Variants in SLC13A3 observed in about 807,000 individuals in gnomAD.
SLC13A3 encodes Na(+)/dicarboxylate cotransporter 3.
Under a neutral mutation model 59.0 loss-of-function variants are expected in SLC13A3, and 40 were observed. The ratio of observed to expected loss-of-function variants is 0.68; its 90% CI spans 0.53 to 0.88. The LOEUF (loss-of-function observed/expected upper bound fraction) is 0.88, where lower values mean the gene tolerates loss of function less well. SLC13A3 is among the 40% of genes least tolerant of loss of function. SLC13A3 has a pLI of 0.00. For synonymous variants in SLC13A3, 317 were observed against 330.3 expected, an observed-to-expected ratio of 0.96 and a Z score of 0.44; for missense variants, 699 against 783.2, an observed-to-expected ratio of 0.89 and a Z score of 1.28.
chr20:46,658,208 C>T (rs950971177), intron 1 of SLC13A3, among the ~76,000 whole-genome samples: 1 of 148,954 alleles, frequency 6.7e-6, no homozygotes, highest in Non-Finnish European at 1.5e-5. Context: ...AAATAAATAT[C>T]AAAAAAAAAC....
At chr20:46,567,550 T>G (rs1196834122) in intron 10 of SLC13A3, among the ~76,000 whole-genome samples, 2 of 152,180 alleles carry the variant, frequency 1.3e-5, no homozygotes, top group African/African-American at 4.8e-5. Flanking sequence ...CCCACCAGTC[T>G]GTCACCTTGT....
intron 7 of SLC13A3, 107 bp from the exon 8 acceptor site, chr20:46,588,270 G>A: frequency 1.6e-6 from 1 of 624,366 alleles, no homozygotes; most frequent in Non-Finnish European, 2.8e-6. Context: ...CCCGGGCTCT[G>A]CCTCTGAGAA....
intron 1 of SLC13A3, among the ~76,000 whole-genome samples, chr20:46,644,148 C>A (rs144205848): frequency 6.6e-6 from 1 of 152,320 alleles, no homozygotes; most frequent in African/African-American, 2.4e-5. Context: ...CTCACTGAAG[C>A]CTTTGGAAAA....
chr20:46,648,327 A>G (rs936423410), intron 1 of SLC13A3, among the ~76,000 whole-genome samples: 7 of 152,116 alleles, frequency 4.6e-5, no homozygotes, highest in Non-Finnish European at 5.9e-5. Context: ...TTCGCATTGT[A>G]TATGAAATTG....
intron 8 of SLC13A3, among the ~76,000 whole-genome samples, chr20:46,586,000 A>G (rs575976514): frequency 1.3e-5 from 2 of 152,326 alleles, no homozygotes; most frequent in South Asian, 4.1e-4. Flanking sequence ...CCAAACTGAC[A>G]TGTGCTTTAA....
At chr20:46,584,589 C>T (rs186901277) in intron 8 of SLC13A3, 6 of 698,604 alleles carry the variant, frequency 8.6e-6, no homozygotes, top group Middle Eastern at 7.4e-4. Context: ...AAATGCAGAT[C>T]AAAACACTAA....
chr20:46,678,650 A>G (rs1310500652), intron 1 of SLC13A3, among the ~76,000 whole-genome samples: 1 of 152,204 alleles, frequency 6.6e-6, no homozygotes, highest in East Asian at 1.9e-4. Flanking sequence ...GAGAATTCTT[A>G]CATCTTCTCA....
intron 1 of SLC13A3, among the ~76,000 whole-genome samples, chr20:46,622,631 T>C (rs746960490): frequency 0.076 from 4,892 of 64,684 alleles, 108 homozygotes; most frequent in Admixed American, 0.1. Flanking sequence ...CGTGTGTGTG[T>C]GTGTGTGTGT....
intron 1 of SLC13A3, among the ~76,000 whole-genome samples, chr20:46,619,913 T>C (rs150730906): frequency 5.3e-5 from 8 of 152,334 alleles, no homozygotes; most frequent in African/African-American, 1.9e-4. Context: ...GGATTTGAAC[T>C]ATAGCTTGAT....
chr20:46,642,315 C>T (rs2062852853), intron 1 of SLC13A3, among the ~76,000 whole-genome samples: 3 of 152,238 alleles, frequency 2.0e-5, no homozygotes, highest in Admixed American at 6.5e-5. Flanking sequence ...GCATGGGTGT[C>T]ATTTTAAATT....
intron 1 of SLC13A3, among the ~76,000 whole-genome samples, chr20:46,648,799 G>A (rs2062921476): frequency 6.6e-6 from 1 of 152,074 alleles, no homozygotes; most frequent in South Asian, 2.1e-4. Context: ...CAGCTACTTG[G>A]GAGGCTGAGG....
At chr20:46,675,815 G>T (rs1459278035) in intron 1 of SLC13A3, 1 of 152,384 alleles carries the variant, frequency 6.6e-6, no homozygotes, top group Non-Finnish European at 1.5e-5. Flanking sequence ...CAGAAGTGGG[G>T]AGAACCATGA....
At chr20:46,594,594 T>C (rs1413134348) in intron 5 of SLC13A3, among the ~76,000 whole-genome samples, 1 of 152,182 alleles carries the variant, frequency 6.6e-6, no homozygotes, top group African/African-American at 2.4e-5. Flanking sequence ...AGGACCATCT[T>C]TGCTTCTGGT....
chr20:46,654,426 A>AT (rs1482742793), upstream of SLC13A3, among the ~76,000 whole-genome samples: 1 of 152,190 alleles, frequency 6.6e-6, no homozygotes, highest in African/African-American at 2.4e-5. Context: ...ACCTTACTTC[A>AT]TGCCCCTTTG....
At position 46,583,681 on chromosome 20, in the gene SLC13A3, A is replaced by C. The variant is rs754257680; in HGVS notation, c.1122-12T>G. The stretch of plus-strand genomic sequence containing the variant: ...CATCAGAAAGAAACCTACAATGAGA[A>C]GGCCCCAAATCACGTGACCATGGGC... On this transcript the variant is annotated splice_polypyrimidine_tract_variant and intron_variant, in intron 8 of 12. Coordinates refer to ENST00000279027, the MANE Select transcript of SLC13A3 (RefSeq NM_022829.6). 11 of 1,613,890 alleles carry C rather than the reference A, an allele frequency of 6.8e-6. No homozygotes were observed. The East Asian group carries it at 2.2e-4, about 33-fold the overall frequency.
chr20:46,636,808 T>C (rs1014062829), intron 1 of SLC13A3, among the ~76,000 whole-genome samples: 4 of 56,052 alleles, frequency 7.1e-5, no homozygotes, highest in African/African-American at 2.4e-4. Flanking sequence ...TTTTTTTTCT[T>C]TTTTTCTTTT....
At chr20:46,642,388 C>T (rs2062853527) in intron 1 of SLC13A3, among the ~76,000 whole-genome samples, 1 of 152,208 alleles carries the variant, frequency 6.6e-6, no homozygotes, top group South Asian at 2.1e-4. Flanking sequence ...GGTGCCTCCT[C>T]ATAGGCCTCC....
chr20:46,615,245 C>T (rs1385839138), intron 1 of SLC13A3, among the ~76,000 whole-genome samples: 1 of 152,130 alleles, frequency 6.6e-6, no homozygotes, highest in East Asian at 1.9e-4. Context: ...GGATTTGGTC[C>T]TGTCTGGAGC....
chr20:46,599,839 G>A, intron 4 of SLC13A3, 132 bp downstream of exon 4: 1 of 539,804 alleles, frequency 1.9e-6, no homozygotes, highest in Non-Finnish European at 3.2e-6. Flanking sequence ...GATGAATGGT[G>A]GAAACTCAGG....
Sources: gnomAD v4.1 joint callset for allele counts (sites outside exome capture counted in the v4.1 genomes callset) on GRCh38, gnomAD v4.1.1 for gene constraint, MANE v1.5 for transcripts, NCBI Gene and HGNC (gene_info 2026-07-23, HGNC 2026-07-21) for gene names.